GNA14: variants seen among roughly 807,000 people sequenced by gnomAD.
GNA14 encodes the protein G protein subunit alpha 14.
GNA14 carries 50 observed loss-of-function variants against 42.0 expected under a neutral mutation model. The observed-to-expected ratio is 1.19, with a 90% CI of 0.95 to 1.51. The LOEUF is 1.51. GNA14 is among the 40% of genes most tolerant of loss of function. GNA14 has a pLI of 0.00. For synonymous variants in GNA14, 173 were observed against 163.1 expected, an observed-to-expected ratio of 1.06 and a Z score of -0.46; for missense variants, 473 against 446.2, an observed-to-expected ratio of 1.06 and a Z score of -0.54.
intron 1 of GNA14, among the ~76,000 whole-genome samples, chr9:77,591,466 A>T (rs1355241034): frequency 6.6e-6 from 1 of 152,178 alleles, no homozygotes; most frequent in African/African-American, 2.4e-5. Context: ...TTAGAATCAA[A>T]TGTCCCTAGA....
intron 1 of GNA14, among the ~76,000 whole-genome samples, chr9:77,566,573 G>A (rs1318913227): frequency 6.6e-6 from 1 of 152,084 alleles, no homozygotes; most frequent in East Asian, 1.9e-4. Flanking sequence ...CCCATCAACA[G>A]GACAAGAGAA....
At chr9:77,568,916 T>C (rs534662181) in intron 1 of GNA14, among the ~76,000 whole-genome samples, 2 of 152,272 alleles carry the variant, frequency 1.3e-5, no homozygotes, top group South Asian at 2.1e-4. Flanking sequence ...GGATGCAATT[T>C]GGAAAGAGAC....
At chr9:77,646,585 G>C (rs1824355653) in intron 1 of GNA14, among the ~76,000 whole-genome samples, 1 of 152,148 alleles carries the variant, frequency 6.6e-6, no homozygotes, top group South Asian at 2.1e-4. Context: ...TTTCCTTGAA[G>C]CTTTCTGGGA....
rs79300580 is a variant in GNA14 at position 77,540,015 on chromosome 9, T to C, written c.125-10762A>G. On this transcript the variant is annotated intron_variant, in intron 1 of 6. Transcript: ENST00000341700. ...GTTTTGCTCTGATCTTTATTATTTC[T>C]TTCCTTTTACTAATGTTGGGTTTGG... Among the ~76,000 whole-genome samples the C allele has an allele frequency of 3.3e-4, 51 of 152,272 alleles. No homozygotes were observed. In the East Asian group the frequency reaches 9.1e-3, roughly 27 times the overall value.
At chr9:77,503,915 C>T (rs1443199364) in intron 2 of GNA14, among the ~76,000 whole-genome samples, 1 of 152,128 alleles carries the variant, frequency 6.6e-6, no homozygotes, top group South Asian at 2.1e-4. Flanking sequence ...CTCCTGACCT[C>T]AAGTGATCCA....
intron 1 of GNA14, among the ~76,000 whole-genome samples, chr9:77,609,645 A>T (rs767290368): frequency 6.6e-6 from 1 of 152,210 alleles, no homozygotes; most frequent in Non-Finnish European, 1.5e-5. Context: ...GAAGTCCAAG[A>T]TCAAGGTGCT....
intron 1 of GNA14, among the ~76,000 whole-genome samples, chr9:77,571,155 C>T (rs1026643084): frequency 6.6e-6 from 1 of 152,088 alleles, no homozygotes; most frequent in East Asian, 1.9e-4. Flanking sequence ...TCCAATTTTC[C>T]TCCACACTCT....
At chr9:77,493,002 GGAAAA>G (rs1172075634) in intron 2 of GNA14, among the ~76,000 whole-genome samples, 3 of 68,140 alleles carry the variant, frequency 4.4e-5, no homozygotes, top group African/African-American at 7.1e-5. Context: ...CTCCGTCTCA[GGAAAA>G]AAAAAAAAAA....
chr9:77,461,321 G>A (rs937903590), intron 2 of GNA14, among the ~76,000 whole-genome samples: 1 of 152,206 alleles, frequency 6.6e-6, no homozygotes, highest in Non-Finnish European at 1.5e-5. Flanking sequence ...CTGCGCCTTA[G>A]CAAGATCCCG....
In GNA14 at chr9:77,601,873, A is replaced by G. The variant is rs147794141; in HGVS notation, c.124+45797T>C. ...CTCTTGGTAACAATGTTTTACTTCA[A>G]TGCTTTCCAGGGCCACCAATGGGTC... On this transcript the variant is annotated intron_variant, in intron 1 of 6. Transcript: ENST00000341700. Among the ~76,000 whole-genome samples the G allele has an allele frequency of 4.2e-3, 639 of 152,278 alleles. 6 individuals are homozygous for G. Among genetic ancestry groups the G allele is most frequent in the African/African-American group, 0.015 (611 of 41,558 alleles).
chr9:77,640,197 C>A (rs1824236286), intron 1 of GNA14, among the ~76,000 whole-genome samples: 2 of 152,216 alleles, frequency 1.3e-5, no homozygotes, highest in South Asian at 4.1e-4. Context: ...AACCCAACTG[C>A]CCTGGCACTT....
At chr9:77,569,190 C>T (rs1001230462) in intron 1 of GNA14, among the ~76,000 whole-genome samples, 1 of 151,758 alleles carries the variant, frequency 6.6e-6, no homozygotes, top group East Asian at 1.9e-4. Flanking sequence ...AAAAAAGGTT[C>T]CCTCCCCGCA....
Position 77,423,886 on chromosome 9 carries a change from G to T in GNA14, c.*93C>A, listed in dbSNP as rs569311461. ...ATGACATCCTTAGTTCCTGGCATGG[G>T]GCTGGCTCTGGTGATGTCAGAAGCA... is the stretch of plus-strand genomic sequence containing the variant. On this transcript the variant is annotated 3_prime_UTR_variant, in exon 7 of 7. Coordinates refer to ENST00000341700, the MANE Select transcript of GNA14 (RefSeq NM_004297.4). The T allele has an allele frequency of 3.8e-6, 3 of 794,840 alleles. No homozygotes were observed. Among genetic ancestry groups the T allele is most frequent in the South Asian group, 2.3e-5 (1 of 43,596 alleles). The allele number at this position is 794,840 out of a possible 1,614,324, so 49.2% of individuals were successfully genotyped here.
chr9:77,527,309 T>TC (rs1473479758), intron 2 of GNA14, among the ~76,000 whole-genome samples: 1 of 152,180 alleles, frequency 6.6e-6, no homozygotes, highest in African/African-American at 2.4e-5. Flanking sequence ...AAAGGAATCA[T>TC]CTCAGTCACT....
chr9:77,475,532 A>C (rs1028980850), intron 2 of GNA14, among the ~76,000 whole-genome samples: 1 of 151,510 alleles, frequency 6.6e-6, no homozygotes, highest in Admixed American at 6.6e-5. Flanking sequence ...CAGTAGAGAG[A>C]GCTGGGGGAA....
At position 77,423,441 on chromosome 9, in the gene GNA14, G is replaced by A. The variant is rs1835404926; in HGVS notation, c.*538C>T. On this transcript the variant is annotated 3_prime_UTR_variant, in exon 7 of 7. Coordinates refer to ENST00000341700, the MANE Select transcript of GNA14 (RefSeq NM_004297.4). Reference sequence around the variant, plus strand: ...AAAGTTAACACACAAAAAGAACCAAGTGTTTAAAAAAAATCTTTGGTGGCA... The same window carrying A: ...AAAGTTAACACACAAAAAGAACCAAATGTTTAAAAAAAATCTTTGGTGGCA... The A allele has an allele frequency of 6.6e-6, 1 of 151,910 alleles. No individual in the cohort carries two copies. The highest frequency in any genetic ancestry group is 2.4e-5 in the African/African-American group (1 of 41,350). 9.4% of individuals were successfully genotyped at this position (151,910 alleles called of 1,614,324 possible).
At chr9:77,605,377 G>T (rs553966743) in intron 1 of GNA14, among the ~76,000 whole-genome samples, 1 of 152,256 alleles carries the variant, frequency 6.6e-6, no homozygotes, top group East Asian at 1.9e-4. Flanking sequence ...ATGGGGTTCA[G>T]GATGTGCTAT....
At chr9:77,509,802 C>T (rs1837130329) in intron 2 of GNA14, among the ~76,000 whole-genome samples, 1 of 152,038 alleles carries the variant, frequency 6.6e-6, no homozygotes, top group Non-Finnish European at 1.5e-5. Flanking sequence ...TACTTTTGCA[C>T]CAACCTAATG....
intron 1 of GNA14, among the ~76,000 whole-genome samples, chr9:77,615,817 G>T (rs1182160772): frequency 6.6e-6 from 1 of 150,956 alleles, no homozygotes; most frequent in Non-Finnish European, 1.5e-5. Flanking sequence ...AACCTTCCAA[G>T]TCCAACAGAA....
Sources: allele counts gnomAD v4.1 joint callset (sites outside exome capture counted in the v4.1 genomes callset), GRCh38; gene constraint gnomAD v4.1.1; transcripts MANE v1.5; gene names NCBI Gene and HGNC (gene_info 2026-07-23, HGNC 2026-07-21).